RTN3: variants seen among roughly 807,000 people sequenced by gnomAD.
The protein encoded by RTN3 is reticulon 3, also known as reticulon-3.
In RTN3, 49 loss-of-function variants were observed where a neutral mutation model predicts 77.8. That is an observed-to-expected ratio of 0.63 (90% CI 0.50 to 0.80). The LOEUF (loss-of-function observed/expected upper bound fraction) is 0.80, where lower values mean the gene tolerates loss of function less well. Among genes scored for constraint, RTN3 ranks in the 30% least tolerant of loss-of-function variants. The pLI, the probability that RTN3 is intolerant of heterozygous loss-of-function variation, is 0.00. For missense variants in RTN3, 1,236 were observed against 1,211.9 expected (o/e 1.02, Z -0.29); for synonymous variants, 464 against 446.9 (o/e 1.04, Z -0.48).
chr11:63,744,256 A>AG (rs1247819604), intron 3 of RTN3, among the ~76,000 whole-genome samples: 1 of 150,834 alleles, frequency 6.6e-6, no homozygotes, highest in African/African-American at 2.4e-5. Flanking sequence ...AAAAAAAAAA[A>AG]AAAAAAAAAA....
chr11:63,758,285 CTCAG>C lies in RTN3; in HGVS notation c.*86_*89del, dbSNP rs2014491718. 1 of 1,613,274 alleles carries C rather than the reference CTCAG, an allele frequency of 6.2e-7. No individual in the cohort carries two copies. The highest frequency in any genetic ancestry group is 1.3e-5 in the African/African-American group (1 of 74,876). On this transcript the variant is annotated 3_prime_UTR_variant, in exon 9 of 9. Coordinates refer to ENST00000377819, the MANE Select transcript of RTN3 (RefSeq NM_001265589.2). ...GTTACTTGTACTATGAAGGAAAATACTCAGTGTCAGCTTGAGCCTGCATTCCAAG... is the reference window on the plus strand; with the variant it reads ...GTTACTTGTACTATGAAGGAAAATACTGTCAGCTTGAGCCTGCATTCCAAG...
intron 3 of RTN3, among the ~76,000 whole-genome samples, chr11:63,740,172 A>G (rs1231425291): frequency 6.6e-6 from 1 of 152,156 alleles, no homozygotes; most frequent in East Asian, 1.9e-4. Context: ...ACACCAATCT[A>G]TTTAATCATA....
At chr11:63,697,755 C>T (rs904932998) in intron 1 of RTN3, among the ~76,000 whole-genome samples, 4 of 152,216 alleles carry the variant, frequency 2.6e-5, no homozygotes, top group African/African-American at 4.8e-5. Context: ...GCATTACAGG[C>T]GAGAGCCACC....
intron 3 of RTN3, among the ~76,000 whole-genome samples, chr11:63,729,195 TAAA>T (rs1322568859): frequency 1.3e-5 from 2 of 151,946 alleles, no homozygotes; most frequent in East Asian, 3.9e-4. Flanking sequence ...TTTTTCAGAT[TAAA>T]GGAAAGTGAT....
intron 1 of RTN3, among the ~76,000 whole-genome samples, chr11:63,683,972 T>TTTTTTTTA (rs1375625604): frequency 7.4e-6 from 1 of 136,054 alleles, no homozygotes; most frequent in Non-Finnish European, 1.6e-5. Context: ...TTTTTTTTTT[T>TTTTTTTTA]AGACAAGGTC....
At chr11:63,721,847 C>T (rs764971456) in intron 3 of RTN3, among the ~76,000 whole-genome samples, 15 of 152,034 alleles carry the variant, frequency 9.9e-5, no homozygotes, top group East Asian at 3.8e-4. Context: ...TTAATGTGAT[C>T]GTATACTATA....
At chr11:63,739,489 C>T (rs1009104392) in intron 3 of RTN3, among the ~76,000 whole-genome samples, 1 of 152,148 alleles carries the variant, frequency 6.6e-6, no homozygotes, top group Non-Finnish European at 1.5e-5. Flanking sequence ...CCTCACAATT[C>T]TCTTCTGTTT....
chr11:63,730,337 A>C (rs1398067931), intron 3 of RTN3, among the ~76,000 whole-genome samples: 1 of 152,266 alleles, frequency 6.6e-6, no homozygotes, highest in East Asian at 1.9e-4. Context: ...CAAAAAATTT[A>C]TAAATGTATG....
intron 3 of RTN3, among the ~76,000 whole-genome samples, chr11:63,742,873 G>GT (rs749058756): frequency 2.0e-5 from 3 of 148,112 alleles, no homozygotes; most frequent in Non-Finnish European, 1.5e-5. Context: ...ATATATTTTT[G>GT]TTTGTTTGTT....
intron 1 of RTN3, among the ~76,000 whole-genome samples, chr11:63,702,022 T>C (rs542732494): frequency 1.2e-4 from 18 of 152,318 alleles, no homozygotes; most frequent in Admixed American, 7.2e-4. Flanking sequence ...AAAAAGCAGC[T>C]TTATATTTGA....
At chr11:63,716,213 T>C (rs1261445581) in intron 2 of RTN3, among the ~76,000 whole-genome samples, 1 of 152,248 alleles carries the variant, frequency 6.6e-6, no homozygotes, top group Non-Finnish European at 1.5e-5. Flanking sequence ...TATATGGCAT[T>C]TCAAAACATT....
chr11:63,723,586 G>C (rs2011985631), intron 3 of RTN3, among the ~76,000 whole-genome samples: 1 of 151,892 alleles, frequency 6.6e-6, no homozygotes, highest in Non-Finnish European at 1.5e-5. Flanking sequence ...ACCACGCCCA[G>C]CTAATTTTTT....
In RTN3 at chr11:63,720,397, C is replaced by G. The variant is rs770552240; in HGVS notation, c.1895C>G (p.Ser632Cys). 6.2e-7 allele frequency: 1 copy of G among 1,614,068 alleles called. No homozygotes were observed. Among genetic ancestry groups the G allele is most frequent in the East Asian group, 2.2e-5 (1 of 44,884 alleles). Residue 632 changes from serine to cysteine, a missense_variant, in exon 3 of 9, where the codon TCT (serine) becomes TGT (cysteine). Around this residue, in one of 3 missense-constraint regions of RTN3, gnomAD observed 1,056 missense variants for 990.4 expected, o/e 1.07. Coordinates refer to ENST00000377819, the MANE Select transcript of RTN3 (RefSeq NM_001265589.2). ...GAATTCTCATTAAATGTGACAACAT[C>G]TGCCTATTTGGAGTCATTACATGGG... is the stretch of plus-strand genomic sequence containing the variant. Reference protein sequence around the residue: ...ETEFSLNVTTSAYLESLHGKN... With the variant: ...ETEFSLNVTTCAYLESLHGKN...
chr11:63,681,834 G>T (rs1452456877), intron 1 of RTN3, 56 bp downstream of exon 1: 13 of 1,464,576 alleles, frequency 8.9e-6, no homozygotes, highest in African/African-American at 2.9e-5. Flanking sequence ...GAGCCTGGGG[G>T]CTGGGGGGAT....
At chr11:63,714,710 A>G (rs888833153) in intron 2 of RTN3, among the ~76,000 whole-genome samples, 3 of 151,720 alleles carry the variant, frequency 2.0e-5, no homozygotes, top group Non-Finnish European at 4.4e-5. Flanking sequence ...GCAGGATCTC[A>G]GCATGTTGCC....
intron 3 of RTN3, among the ~76,000 whole-genome samples, chr11:63,735,515 GATTCAAGACA>G (rs905003409): frequency 2.2e-5 from 3 of 136,202 alleles, no homozygotes; most frequent in Non-Finnish European, 4.6e-5. Context: ...CTGATCTATG[GATTCAAGACA>G]ATTCAAAGTC....
At chr11:63,751,994 A>T (rs948011707) in intron 4 of RTN3, among the ~76,000 whole-genome samples, 1 of 152,108 alleles carries the variant, frequency 6.6e-6, no homozygotes, top group African/African-American at 2.4e-5. Flanking sequence ...ACCATCTCAT[A>T]AAAAAACTGC....
chr11:63,743,038 G>A (rs2135019131), intron 3 of RTN3, among the ~76,000 whole-genome samples: 1 of 152,210 alleles, frequency 6.6e-6, no homozygotes, highest in East Asian at 1.9e-4. Flanking sequence ...CTGCCACCAT[G>A]TCTGGCTAAT....
intron 2 of RTN3, among the ~76,000 whole-genome samples, chr11:63,716,330 G>T (rs1555072646): frequency 1.3e-5 from 2 of 152,152 alleles, no homozygotes; most frequent in Non-Finnish European, 2.9e-5. Flanking sequence ...ATGTTTACAT[G>T]AAAAAGGGAA....
Sources: gnomAD v4.1 joint callset for allele counts (sites outside exome capture counted in the v4.1 genomes callset) on GRCh38, gnomAD v4.1.1 for gene constraint, gnomAD v4.1.1 regional missense constraint, MANE v1.5 for transcripts, NCBI Gene and HGNC (gene_info 2026-07-23, HGNC 2026-07-21) for gene names.